FGF2: variants seen among roughly 807,000 people sequenced by gnomAD.
FGF2 encodes the protein fibroblast growth factor 2.
A neutral mutation model predicts 15.9 loss-of-function variants in FGF2; 13 were observed. The observed-to-expected ratio is 0.82, with a 90% CI of 0.53 to 1.30. The LOEUF (loss-of-function observed/expected upper bound fraction) is 1.30, where lower values mean the gene tolerates loss of function less well. Ranked by LOEUF, FGF2 falls within the 50% of genes most tolerant of loss-of-function variation. The pLI, the probability that FGF2 is intolerant of heterozygous loss-of-function variation, is 0.00. For synonymous variants in FGF2, 90 were observed against 78.4 expected (o/e 1.15, Z -0.78); for missense variants, 163 against 196.9 (o/e 0.83, Z 1.03).
chr4:122,863,366 T>G (rs1726510805), intron 1 of FGF2, among the ~76,000 whole-genome samples: 1 of 152,230 alleles, frequency 6.6e-6, no homozygotes. Flanking sequence ...TTGCAATTAC[T>G]TGCTAAAGAA....
chr4:122,834,640 A>G (rs1234464490), intron 1 of FGF2, among the ~76,000 whole-genome samples: 1 of 152,240 alleles, frequency 6.6e-6, no homozygotes, highest in Non-Finnish European at 1.5e-5. Context: ...CAAAAGTTAT[A>G]TCTGAGAAAA....
intron 1 of FGF2, among the ~76,000 whole-genome samples, chr4:122,854,224 G>T (rs1225102465): frequency 6.6e-6 from 1 of 152,156 alleles, no homozygotes; most frequent in African/African-American, 2.4e-5. Flanking sequence ...ACATAGAAAG[G>T]CATTCGCCTA....
chr4:122,866,176 T>C (rs2150778811), intron 1 of FGF2, among the ~76,000 whole-genome samples: 1 of 152,174 alleles, frequency 6.6e-6, no homozygotes, highest in Middle Eastern at 3.4e-3. Flanking sequence ...GAGACCATCC[T>C]GGCTAACACA....
At chr4:122,872,735 A>G (rs1464835822) in intron 1 of FGF2, among the ~76,000 whole-genome samples, 2 of 152,192 alleles carry the variant, frequency 1.3e-5, no homozygotes, top group Non-Finnish European at 2.9e-5. Flanking sequence ...ATTGTTACAG[A>G]AAAAAATTTT....
chr4:122,873,348 T>C (rs1189934152), intron 1 of FGF2, among the ~76,000 whole-genome samples: 3 of 152,256 alleles, frequency 2.0e-5, no homozygotes, highest in African/African-American at 7.2e-5. Flanking sequence ...CCAGTGTACT[T>C]GAAGAGGATC....
intron 1 of FGF2, among the ~76,000 whole-genome samples, chr4:122,845,466 A>G (rs987560676): frequency 3.9e-5 from 6 of 152,236 alleles, no homozygotes; most frequent in African/African-American, 1.4e-4. Context: ...CCTAGATGGC[A>G]TCTTCTTCCA....
chr4:122,882,457 C>G (rs1399150256), intron 2 of FGF2: 1 of 152,162 alleles, frequency 6.6e-6, no homozygotes, highest in Non-Finnish European at 1.5e-5. Flanking sequence ...TGATTCTGTA[C>G]CATCAGAAAT....
chr4:122,859,788 C>G (rs1005260534), intron 1 of FGF2, among the ~76,000 whole-genome samples: 1 of 152,208 alleles, frequency 6.6e-6, no homozygotes, highest in Non-Finnish European at 1.5e-5. Flanking sequence ...ATGCATTTGA[C>G]ACCATGTTAT....
chr4:122,865,642 C>G (rs1010462526), intron 1 of FGF2, among the ~76,000 whole-genome samples: 2 of 152,140 alleles, frequency 1.3e-5, no homozygotes, highest in African/African-American at 4.8e-5. Flanking sequence ...GGGGATTTTC[C>G]AGATATCATA....
intron 1 of FGF2, among the ~76,000 whole-genome samples, chr4:122,851,039 C>T (rs1362323909): frequency 6.6e-6 from 1 of 152,094 alleles, no homozygotes; most frequent in Non-Finnish European, 1.5e-5. Context: ...CATCCATTCC[C>T]CTACTTCCCC....
intron 1 of FGF2, among the ~76,000 whole-genome samples, chr4:122,846,131 A>G (rs1726104723): frequency 6.6e-6 from 1 of 152,210 alleles, no homozygotes; most frequent in Non-Finnish European, 1.5e-5. Context: ...ACAGGGGAAC[A>G]TTCGTCAGTG....
At chr4:122,840,756 T>A (rs1016089846) in intron 1 of FGF2, 6 of 152,182 alleles carry the variant, frequency 3.9e-5, no homozygotes, top group African/African-American at 1.5e-4. Context: ...AAAATTGTAT[T>A]TAAAAAAAGA....
chr4:122,853,652 A>G (rs1381668030), intron 1 of FGF2, among the ~76,000 whole-genome samples: 3 of 117,406 alleles, frequency 2.6e-5, no homozygotes, highest in Non-Finnish European at 4.7e-5. Context: ...TGTTCACCAC[A>G]CTACTCCTGC....
chr4:122,888,332 C>A (rs964947896), intron 2 of FGF2, among the ~76,000 whole-genome samples: 1 of 152,158 alleles, frequency 6.6e-6, no homozygotes, highest in African/African-American at 2.4e-5. Context: ...GCCTGTATTA[C>A]TGAATAACCC....
rs1725670676 is a variant in FGF2 at position 122,827,589 on chromosome 4, C to CAGT, written c.178+239_178+241dup. On this transcript the variant is annotated intron_variant, in intron 1 of 2. Transcript: ENST00000644866. This position sits in a 1 kb window ranked among gnomAD's most constrained non-coding sequence, Gnocchi z 4.2. ...GGGTGTGCCAATTTGCCCTGTAAAC[C>CAGT]AGTACCCCCGGCCCGGAGCCGCGGC... Among the ~76,000 whole-genome samples the CAGT allele has an allele frequency of 6.6e-6, 1 of 152,022 alleles. No individual in the cohort carries two copies. The highest frequency in any genetic ancestry group is 2.4e-5 in the African/African-American group (1 of 41,406).
intron 1 of FGF2, among the ~76,000 whole-genome samples, chr4:122,838,271 C>G (rs1385833385): frequency 6.6e-6 from 1 of 152,170 alleles, no homozygotes; most frequent in Non-Finnish European, 1.5e-5. Context: ...GGCAGAGTCC[C>G]TTTGCTCTGT....
rs1727401305 is a variant in FGF2 at position 122,897,577 on chromosome 4, AT to A, written c.*5184del. On this transcript the variant is annotated 3_prime_UTR_variant, in exon 3 of 3. Coordinates refer to ENST00000644866, the MANE Select transcript of FGF2 (RefSeq NM_001361665.2). ...ATAAAGCAAGAAAGTAAACACATTA[AT>A]TTCCTCAACATTTTTAAGCCAATTA... The A allele has an allele frequency of 7.7e-7, 1 of 1,306,008 alleles. No homozygotes were observed. Among genetic ancestry groups the A allele is most frequent in the Non-Finnish European group, 1.1e-6 (1 of 900,460 alleles). 80.9% of individuals were successfully genotyped at this position (1,306,008 alleles called of 1,614,324 possible).
intron 2 of FGF2, among the ~76,000 whole-genome samples, chr4:122,887,328 C>T (rs1293508990): frequency 6.6e-6 from 1 of 152,000 alleles, no homozygotes; most frequent in African/African-American, 2.4e-5. Flanking sequence ...CAAAACAAAA[C>T]AAAACAAAAA....
intron 1 of FGF2, among the ~76,000 whole-genome samples, chr4:122,872,835 T>C (rs967468714): frequency 6.6e-6 from 1 of 152,164 alleles, no homozygotes; most frequent in Non-Finnish European, 1.5e-5. Context: ...TGAGGGATTT[T>C]GTCACCACCA....
Sources: gnomAD v4.1 joint callset for allele counts (sites outside exome capture counted in the v4.1 genomes callset) on GRCh38, gnomAD v4.1.1 for gene constraint, Gnocchi (gnomAD v3.1) non-coding constraint, MANE v1.5 for transcripts, NCBI Gene and HGNC (gene_info 2026-07-23, HGNC 2026-07-21) for gene names.